The following NOL4 variants were observed in gnomAD, a reference collection of about 807,000 sequenced individuals.
NOL4 encodes the protein cancer/testis antigen 125.
A neutral mutation model predicts 75.9 loss-of-function variants in NOL4; 17 were observed. The ratio of observed to expected loss-of-function variants is 0.22; its 90% CI spans 0.15 to 0.34. NOL4 has a LOEUF of 0.34. NOL4 is among the 10% of genes least tolerant of loss of function. The probability of loss-of-function intolerance (pLI) is 1.00; values close to 1 mark genes in which losing one functional copy is unlikely to be tolerated. For synonymous variants in NOL4, 292 were observed against 289.9 expected (o/e 1.01, Z -0.07); for missense variants, 614 against 793.5 (o/e 0.77, Z 2.72).
intron 9 of NOL4, among the ~76,000 whole-genome samples, chr18:33,914,129 G>A (rs1230240630): frequency 2.6e-5 from 4 of 152,080 alleles, no homozygotes; most frequent in African/African-American, 7.2e-5. Context: ...AGCATGAAAG[G>A]AGGATATAAA....
chr18:33,970,276 G>T (rs559967600), intron 6 of NOL4, among the ~76,000 whole-genome samples: 97 of 152,142 alleles, frequency 6.4e-4, no homozygotes, highest in African/African-American at 2.2e-3. Flanking sequence ...TGAAAATATT[G>T]TAGTTTACAA....
intron 6 of NOL4, among the ~76,000 whole-genome samples, chr18:34,004,182 T>C (rs2073901104): frequency 6.6e-6 from 1 of 151,998 alleles, no homozygotes; most frequent in African/African-American, 2.4e-5. Flanking sequence ...TCCTCTCCCT[T>C]CCAGTTATCC....
intron 9 of NOL4, among the ~76,000 whole-genome samples, chr18:33,921,955 G>C (rs560080865): frequency 6.6e-6 from 1 of 152,228 alleles, no homozygotes; most frequent in African/African-American, 2.4e-5. Flanking sequence ...TAAATATGTG[G>C]CCTATACACT....
chr18:33,945,721 A>G lies in NOL4; in HGVS notation c.1429-2543T>C, dbSNP rs2068789416. ...ACTATCCTATTGAGTGGAAAAAATA[A>G]GTAGAATCAAAGATGCATGATTCAA... On this transcript the variant is annotated intron_variant, in intron 8 of 10. Transcript: ENST00000261592. Among the ~76,000 whole-genome samples, 5 of 151,906 alleles carry G rather than the reference A, an allele frequency of 3.3e-5. No individual in the cohort carries two copies. The South Asian group carries it at 1.0e-3, about 31-fold the overall frequency.
At chr18:34,216,300 A>G (rs886607610) in intron 1 of NOL4, among the ~76,000 whole-genome samples, 2 of 152,236 alleles carry the variant, frequency 1.3e-5, no homozygotes, top group Non-Finnish European at 2.9e-5. Flanking sequence ...AGCACACACA[A>G]TATCTATAAT....
chr18:33,853,341 C>A (rs1347754957), intron 10 of NOL4, among the ~76,000 whole-genome samples: 1 of 152,056 alleles, frequency 6.6e-6, no homozygotes, highest in Non-Finnish European at 1.5e-5. Flanking sequence ...TTAAATCTGT[C>A]TTCCATATGT....
At chr18:33,909,809 T>C (rs1314214377) in intron 9 of NOL4, among the ~76,000 whole-genome samples, 22 of 151,654 alleles carry the variant, frequency 1.5e-4, no homozygotes, top group Admixed American at 1.4e-3. Context: ...GAAGGAAGGA[T>C]AGGCAAGAGG....
intron 10 of NOL4, among the ~76,000 whole-genome samples, chr18:33,872,218 TAC>T (rs2063732377): frequency 1.3e-5 from 2 of 152,002 alleles, no homozygotes; most frequent in African/African-American, 4.8e-5. Context: ...CCTTAAACAT[TAC>T]ACAGTTTCAA....
At chr18:34,162,565 A>G (rs939149964) in intron 1 of NOL4, among the ~76,000 whole-genome samples, 6 of 152,210 alleles carry the variant, frequency 3.9e-5, no homozygotes, top group Non-Finnish European at 8.8e-5. Context: ...GAATAGACCA[A>G]TAACAGGCTC....
At chr18:34,046,607 C>CATATATATATATATATATATAT (rs35281852) in intron 5 of NOL4, among the ~76,000 whole-genome samples, 981 of 81,400 alleles carry the variant, frequency 0.012, 88 homozygotes, top group Non-Finnish European at 0.014. Flanking sequence ...TTTACTTATA[C>CATATATATATATATATATATAT]ATATATATAT....
chr18:34,028,862 G>T (rs1471564653), intron 5 of NOL4, among the ~76,000 whole-genome samples: 1 of 152,124 alleles, frequency 6.6e-6, no homozygotes, highest in Non-Finnish European at 1.5e-5. Flanking sequence ...GAAGTTACAG[G>T]GGTCCATGAT....
intron 1 of NOL4, among the ~76,000 whole-genome samples, chr18:34,199,817 ATTAT>A (rs1735832209): frequency 6.6e-6 from 1 of 151,870 alleles, no homozygotes; most frequent in Non-Finnish European, 1.5e-5. Context: ...GAAAGCACCA[ATTAT>A]TTAATTGTTC....
chr18:33,939,188 T>C (rs1243189299), intron 9 of NOL4, among the ~76,000 whole-genome samples: 3 of 152,120 alleles, frequency 2.0e-5, no homozygotes, highest in Non-Finnish European at 4.4e-5. Context: ...AGCCTTGTAG[T>C]ATAGTTTGAA....
chr18:33,856,365 C>T (rs1332148885), intron 10 of NOL4, among the ~76,000 whole-genome samples: 2 of 151,872 alleles, frequency 1.3e-5, no homozygotes, highest in African/African-American at 4.8e-5. Flanking sequence ...ATTATTATTG[C>T]CATAAAAGTC....
At chr18:34,152,034 A>T (rs1480025258) in intron 1 of NOL4, among the ~76,000 whole-genome samples, 3 of 151,938 alleles carry the variant, frequency 2.0e-5, no homozygotes, top group East Asian at 3.9e-4. Flanking sequence ...AAAATATAAT[A>T]ACGAAATCTT....
intron 9 of NOL4, among the ~76,000 whole-genome samples, chr18:33,891,141 TAA>T (rs1279533109): frequency 6.6e-6 from 1 of 151,996 alleles, no homozygotes; most frequent in Admixed American, 6.6e-5. Context: ...ATTAAATGAG[TAA>T]ATCTTGCCAA....
intron 5 of NOL4, among the ~76,000 whole-genome samples, chr18:34,043,993 G>A (rs79825324): frequency 0.02 from 3,026 of 152,180 alleles, 49 homozygotes; most frequent in Non-Finnish European, 0.027. Context: ...CTATCAAGAA[G>A]ATAGAGAAAT....
At chr18:33,912,195 T>C (rs1477205325) in intron 9 of NOL4, among the ~76,000 whole-genome samples, 1 of 152,054 alleles carries the variant, frequency 6.6e-6, no homozygotes, top group African/African-American at 2.4e-5. Flanking sequence ...CAAAATTGAG[T>C]TGAAATGTCT....
At chr18:33,888,326 T>C (rs2064885725) in intron 9 of NOL4, among the ~76,000 whole-genome samples, 1 of 152,220 alleles carries the variant, frequency 6.6e-6, no homozygotes, top group African/African-American at 2.4e-5. Flanking sequence ...TAGCCCTTTG[T>C]CAGATGGGTA....
Sources: allele counts gnomAD v4.1 joint callset (sites outside exome capture counted in the v4.1 genomes callset), GRCh38; gene constraint gnomAD v4.1.1; transcripts MANE v1.5; gene names NCBI Gene and HGNC (gene_info 2026-07-23, HGNC 2026-07-21).